Variants in PLA2G4E observed in about 807,000 individuals in gnomAD.
PLA2G4E encodes the protein cytosolic phospholipase A2 epsilon.
Under a neutral mutation model 109.1 loss-of-function variants are expected in PLA2G4E, and 84 were observed. The observed-to-expected ratio is 0.77, with a 90% confidence interval of 0.65 to 0.92. The LOEUF (loss-of-function observed/expected upper bound fraction) is 0.92. PLA2G4E is among the 40% of genes least tolerant of loss of function. The pLI is 0.00. For missense variants in PLA2G4E, 1,057 were observed against 1,076.6 expected, an observed-to-expected ratio of 0.98 and a Z score of 0.25; for synonymous variants, 469 against 436.1, an observed-to-expected ratio of 1.08 and a Z score of -0.94.
chr15:42,036,970 A>G (rs1029100313), intron 1 of PLA2G4E, among the ~76,000 whole-genome samples: 4 of 152,178 alleles, frequency 2.6e-5, no homozygotes, highest in African/African-American at 9.7e-5. Flanking sequence ...GGCCGAGTCC[A>G]GGTGCTGTTG....
intron 1 of PLA2G4E, among the ~76,000 whole-genome samples, chr15:42,017,778 T>A (rs2068610340): frequency 6.6e-6 from 1 of 152,246 alleles, no homozygotes; most frequent in African/African-American, 2.4e-5. Flanking sequence ...ACAATTCTTC[T>A]ATGGCCTGCA....
intron 12 of PLA2G4E, among the ~76,000 whole-genome samples, chr15:41,994,434 C>A (rs1376922536): frequency 6.6e-6 from 1 of 152,264 alleles, no homozygotes; most frequent in African/African-American, 2.4e-5. Flanking sequence ...ACAGGCCCAC[C>A]AGTCACAGAC....
chr15:42,001,021 T>G, intron 7 of PLA2G4E, 136 bp downstream of exon 7: 1 of 840,560 alleles, frequency 1.2e-6, no homozygotes, highest in Non-Finnish European at 1.9e-6. Flanking sequence ...GGTGAGATGA[T>G]TCTGAGGGGT....
chr15:42,049,519 C>T (rs767452946), intron 1 of PLA2G4E, among the ~76,000 whole-genome samples: 1 of 152,190 alleles, frequency 6.6e-6, no homozygotes, highest in Non-Finnish European at 1.5e-5. Flanking sequence ...ACCGGGTCAT[C>T]CCCAAGCAGC....
At chr15:41,999,685 CCT>C (rs2068393173) in intron 9 of PLA2G4E, 124 bp from the exon 10 acceptor site, 4 of 1,258,762 alleles carry the variant, frequency 3.2e-6, no homozygotes, top group Non-Finnish European at 4.5e-6. Flanking sequence ...TCCATCCCTG[CCT>C]CTCTCTTCTG....
chr15:42,005,021 A>G (rs758922288), intron 4 of PLA2G4E, 43 bp from the exon 5 acceptor site: 1 of 1,606,068 alleles, frequency 6.2e-7, no homozygotes, highest in Non-Finnish European at 8.5e-7. Context: ...TGGCGTCTGC[A>G]CATCTCTGCT....
chr15:41,997,103 G>A, intron 11 of PLA2G4E, 21 bp downstream of exon 11: 1 of 1,547,994 alleles, frequency 6.5e-7, no homozygotes, highest in Non-Finnish European at 8.7e-7. Context: ...GCCCAGGCTG[G>A]CCACATCCCT....
chr15:41,995,467 C>G (rs2068323802), exon 12 of PLA2G4E: 1 of 1,613,968 alleles, frequency 6.2e-7, no homozygotes, highest in Non-Finnish European at 8.5e-7. Flanking sequence ...TTGTTCCACC[C>G]CCAGTGGCCA....
rs765947340 is a variant in PLA2G4E, at chr15:42,001,175, G to A, written c.655C>T (p.Arg219Trp). The stretch of plus-strand genomic sequence containing the variant: ...AGCTCACTTTTCTCCCTCTTCCTCC[G>A]CCTCCTGGATTGTGCATGAACCTCC... Residue 219 changes from arginine to tryptophan, a missense_variant, in exon 7 of 20, where the codon CGG becomes TGG. Coordinates refer to ENST00000399518, the Ensembl canonical transcript of PLA2G4E. 97 of 1,613,470 alleles carry A rather than the reference G, an allele frequency of 6.0e-5. No homozygotes were observed. Among genetic ancestry groups the A allele is most frequent in the Non-Finnish European group, 5.0e-5 (59 of 1,179,640 alleles).
At chr15:42,048,490 G>A (rs1237596755) in intron 1 of PLA2G4E, among the ~76,000 whole-genome samples, 3 of 152,054 alleles carry the variant, frequency 2.0e-5, no homozygotes, top group African/African-American at 4.8e-5. Flanking sequence ...TTTTGTGGTC[G>A]TCTGTGTCCC....
At chr15:42,009,103 T>C (rs1228093416) in intron 2 of PLA2G4E, 2 of 152,174 alleles carry the variant, frequency 1.3e-5, no homozygotes, top group South Asian at 2.1e-4. Flanking sequence ...CCTCCTCCTA[T>C]TGAAGAAAGG....
chr15:42,026,580 C>G (rs2068694765), intron 1 of PLA2G4E, among the ~76,000 whole-genome samples: 1 of 152,174 alleles, frequency 6.6e-6, no homozygotes, highest in Non-Finnish European at 1.5e-5. Context: ...CCATCGTGCT[C>G]TGCTGTGGAA....
At chr15:42,018,607 C>T (rs2068618481) in intron 1 of PLA2G4E, among the ~76,000 whole-genome samples, 1 of 152,158 alleles carries the variant, frequency 6.6e-6, no homozygotes, top group South Asian at 2.1e-4. Flanking sequence ...TATATTTAGC[C>T]ACTTTGCCAA....
chr15:42,028,765 C>A (rs571875097), intron 1 of PLA2G4E, among the ~76,000 whole-genome samples: 1 of 152,234 alleles, frequency 6.6e-6, no homozygotes, highest in South Asian at 2.1e-4. Context: ...AAATAAAATC[C>A]AATTTCCTAA....
At chr15:42,033,609 TG>T (rs550229946) in intron 1 of PLA2G4E, among the ~76,000 whole-genome samples, 63 of 151,944 alleles carry the variant, frequency 4.1e-4, no homozygotes, top group Non-Finnish European at 6.9e-4. Context: ...GCAGGTCCTT[TG>T]GGGTGACTCT....
chr15:42,000,121 T>C, exon 8 of PLA2G4E: 1 of 1,590,770 alleles, frequency 6.3e-7, no homozygotes, highest in Non-Finnish European at 8.6e-7. Context: ...CTCCAGTGAC[T>C]CTTGGGCACT....
intron 1 of PLA2G4E, among the ~76,000 whole-genome samples, chr15:42,026,093 T>C (rs1343681879): frequency 1.3e-5 from 2 of 152,130 alleles, no homozygotes; most frequent in Admixed American, 6.5e-5. Context: ...ACCTCTACAA[T>C]AGATCTCACG....
intron 14 of PLA2G4E, 124 bp from the exon 15 acceptor site, chr15:41,989,676 G>A (rs2068210627): frequency 2.2e-6 from 3 of 1,340,460 alleles, no homozygotes; most frequent in Admixed American, 2.7e-5. Context: ...GGAGGCCGCA[G>A]TTCCCCCAAA....
intron 13 of PLA2G4E, among the ~76,000 whole-genome samples, chr15:41,991,607 T>G (rs1174299001): frequency 6.6e-6 from 1 of 152,172 alleles, no homozygotes; most frequent in East Asian, 1.9e-4. Flanking sequence ...GCCAGCGCAG[T>G]TCCTGGCATG....
Sources: gnomAD v4.1 joint callset for allele counts (sites outside exome capture counted in the v4.1 genomes callset) on GRCh38, gnomAD v4.1.1 for gene constraint, MANE v1.5 for transcripts, NCBI Gene and HGNC (gene_info 2026-07-23, HGNC 2026-07-21) for gene names.